SYT2: variants seen among roughly 807,000 people sequenced by gnomAD.
SYT2 encodes the protein synaptotagmin-2.
SYT2 carries 15 observed loss-of-function variants against 39.9 expected under a neutral mutation model. The ratio of observed to expected loss-of-function variants is 0.38; its 90% CI spans 0.25 to 0.58. The LOEUF is 0.58. Ranked by LOEUF, SYT2 falls within the 20% of genes least tolerant of loss-of-function variation. The probability of loss-of-function intolerance (pLI) is 0.70; values close to 1 mark genes in which losing one functional copy is unlikely to be tolerated. For synonymous variants in SYT2, 181 were observed against 204.5 expected (o/e 0.89, Z 0.98); for missense variants, 389 against 530.3 (o/e 0.73, Z 2.62).
At chr1:202,620,473 T>G (rs1056574579) in intron 1 of SYT2, among the ~76,000 whole-genome samples, 1 of 152,028 alleles carries the variant, frequency 6.6e-6, no homozygotes, top group African/African-American at 2.4e-5. Flanking sequence ...ATCCTTTTTT[T>G]TTTTCTATCA....
chr1:202,700,617 A>C (rs1489894777), intron 1 of SYT2, among the ~76,000 whole-genome samples: 1 of 152,232 alleles, frequency 6.6e-6, no homozygotes, highest in Non-Finnish European at 1.5e-5. Context: ...GACCAAAAAA[A>C]TATATAGTAG....
At chr1:202,606,035 A>T (rs1368489255) in intron 1 of SYT2, among the ~76,000 whole-genome samples, 2 of 151,938 alleles carry the variant, frequency 1.3e-5, no homozygotes, top group African/African-American at 2.4e-5. Context: ...GGCTGAAGTG[A>T]TAGAGGATCA....
intron 1 of SYT2, among the ~76,000 whole-genome samples, chr1:202,647,066 G>A (rs1343269050): frequency 6.6e-6 from 1 of 152,188 alleles, no homozygotes; most frequent in African/African-American, 2.4e-5. Context: ...ACAGGCATTG[G>A]CAGAGCCATG....
chr1:202,610,915 T>C (rs1690868316), intron 1 of SYT2, among the ~76,000 whole-genome samples: 1 of 151,988 alleles, frequency 6.6e-6, no homozygotes. Context: ...AATTTATAGA[T>C]TCAATGCCAT....
At chr1:202,642,852 G>C (rs182678933) in intron 1 of SYT2, among the ~76,000 whole-genome samples, 3 of 152,294 alleles carry the variant, frequency 2.0e-5, no homozygotes, top group East Asian at 1.9e-4. Flanking sequence ...GCACCTCCCC[G>C]CGCCCTTCCC....
chr1:202,643,833 G>A lies in SYT2; in HGVS notation c.-17-38044C>T, dbSNP rs541560843. Among the ~76,000 whole-genome samples the A allele has an allele frequency of 3.6e-3, 549 of 152,222 alleles. 3 individuals carry two copies. Among genetic ancestry groups the A allele is most frequent in the African/African-American group, 0.013 (531 of 41,526 alleles). ...ACGGGACTCCCCCGATTCTGCCGAG[G>A]AGTCCCCGCCAGCTCCGTGCACTCC... On this transcript the variant is annotated intron_variant, in intron 1 of 8. Coordinates refer to ENST00000367268, the MANE Select transcript of SYT2 (RefSeq NM_177402.5).
chr1:202,637,978 G>GT (rs1488616854), intron 1 of SYT2, among the ~76,000 whole-genome samples: 2 of 152,346 alleles, frequency 1.3e-5, no homozygotes, highest in East Asian at 3.9e-4. Context: ...AACTCCCAAG[G>GT]TTTTCCACCT....
At position 202,635,143 on chromosome 1, in the gene SYT2, C is replaced by T. The variant is rs1281443695; in HGVS notation, c.-17-29354G>A. Among the ~76,000 whole-genome samples, 6 of 152,088 alleles carry T rather than the reference C, an allele frequency of 3.9e-5. No homozygotes were observed. The East Asian group carries it at 1.2e-3, about 29-fold the overall frequency. ...TCCAATTTAATGATAAGGCTCAGAG[C>T]GAGTCAGCAACTTGCCCAAAGTCCC... On this transcript the variant is annotated intron_variant, in intron 1 of 8. Transcript: ENST00000367268.
At chr1:202,679,688 A>G (rs184690406) in intron 1 of SYT2, among the ~76,000 whole-genome samples, 116 of 152,278 alleles carry the variant, frequency 7.6e-4, no homozygotes, top group Non-Finnish European at 1.5e-3. Context: ...CAGGAGTCAC[A>G]TGTCTGCCAG....
At chr1:202,708,794 C>T (rs1251234014) in intron 1 of SYT2, among the ~76,000 whole-genome samples, 2 of 152,214 alleles carry the variant, frequency 1.3e-5, no homozygotes, top group Admixed American at 6.5e-5. Context: ...CACTCGGGCC[C>T]GCCTTTGGGG....
At chr1:202,657,905 A>T (rs1692308116) in intron 1 of SYT2, among the ~76,000 whole-genome samples, 1 of 152,008 alleles carries the variant, frequency 6.6e-6, no homozygotes, top group Non-Finnish European at 1.5e-5. Flanking sequence ...TTGAACAGCT[A>T]ATCAATGAAT....
chr1:202,602,975 CT>C (rs1425360232), intron 4 of SYT2, 23 bp downstream of exon 4: 1 of 1,441,898 alleles, frequency 6.9e-7, no homozygotes, highest in Non-Finnish European at 9.5e-7. Flanking sequence ...TTCCCCCACT[CT>C]GCCCCCCCAC....
chr1:202,661,710 C>T (rs1355919027), intron 1 of SYT2, among the ~76,000 whole-genome samples: 3 of 152,174 alleles, frequency 2.0e-5, no homozygotes, highest in Admixed American at 6.5e-5. Context: ...CAGGCGCTGG[C>T]CCTCTCCCTC....
At chr1:202,681,158 C>T (rs2149112817) in intron 1 of SYT2, among the ~76,000 whole-genome samples, 1 of 152,182 alleles carries the variant, frequency 6.6e-6, no homozygotes, top group East Asian at 1.9e-4. Flanking sequence ...CTGCCCCCAG[C>T]CACAGCCAAG....
At chr1:202,668,180 C>G (rs1692516412) in intron 1 of SYT2, among the ~76,000 whole-genome samples, 1 of 152,208 alleles carries the variant, frequency 6.6e-6, no homozygotes, top group Non-Finnish European at 1.5e-5. Context: ...CTCCAACACT[C>G]ATAGTCACAG....
At chr1:202,618,663 G>C (rs555995228) in intron 1 of SYT2, among the ~76,000 whole-genome samples, 2 of 152,288 alleles carry the variant, frequency 1.3e-5, no homozygotes, top group East Asian at 3.9e-4. Context: ...GGGATTAAAT[G>C]AGATGTTGCA....
chr1:202,638,621 G>T (rs186674258), intron 1 of SYT2, among the ~76,000 whole-genome samples: 1 of 152,204 alleles, frequency 6.6e-6, no homozygotes, highest in African/African-American at 2.4e-5. Flanking sequence ...AAATGCAGCC[G>T]GATGCACTCC....
chr1:202,627,594 G>A, intron 1 of SYT2: 1 of 985,376 alleles, frequency 1.0e-6, no homozygotes, highest in Non-Finnish European at 1.2e-6. Flanking sequence ...GAGATCCAGT[G>A]CAGCTCAGGT....
chr1:202,671,250 G>T (rs544499490), intron 1 of SYT2, among the ~76,000 whole-genome samples: 2 of 152,336 alleles, frequency 1.3e-5, no homozygotes, highest in East Asian at 3.9e-4. Flanking sequence ...CCCCTGATCT[G>T]TCAAGGCCTT....
Sources: gnomAD v4.1 joint callset for allele counts (sites outside exome capture counted in the v4.1 genomes callset) on GRCh38, gnomAD v4.1.1 for gene constraint, MANE v1.5 for transcripts, NCBI Gene and HGNC (gene_info 2026-07-23, HGNC 2026-07-21) for gene names.